BCR: variants seen among roughly 807,000 people sequenced by gnomAD.
BCR encodes the protein BCR activator of RhoGEF and GTPase, also known as breakpoint cluster region protein.
BCR carries 58 observed loss-of-function variants against 138.6 expected under a neutral mutation model. That is an observed-to-expected ratio of 0.42 (90% CI 0.34 to 0.52). BCR has a LOEUF of 0.52. Ranked by LOEUF, BCR falls within the 20% of genes least tolerant of loss-of-function variation. The probability of loss-of-function intolerance (pLI) is 0.06; values close to 1 mark genes in which losing one functional copy is unlikely to be tolerated. For missense variants in BCR, 1,599 were observed against 1,727.2 expected (o/e 0.93, Z 1.32); for synonymous variants, 786 against 730.1 (o/e 1.08, Z -1.23).
At chr22:23,199,491 CT>C in intron 1 of BCR, 1 of 374,980 alleles carries the variant, frequency 2.7e-6, no homozygotes. Flanking sequence ...CCTCAGGAAG[CT>C]TGAGGCTTCT....
intron 16 of BCR, among the ~76,000 whole-genome samples, chr22:23,295,938 C>T (rs1036693315): frequency 6.6e-6 from 1 of 152,244 alleles, no homozygotes; most frequent in Admixed American, 6.5e-5. Context: ...GGGTACAGCT[C>T]TCTCTTCCCA....
chr22:23,299,506 T>C (rs1048970548), intron 16 of BCR, among the ~76,000 whole-genome samples: 3 of 151,926 alleles, frequency 2.0e-5, no homozygotes, highest in Admixed American at 1.3e-4. Flanking sequence ...CTCCCCCAAC[T>C]CCCATCACGT....
intron 1 of BCR, among the ~76,000 whole-genome samples, chr22:23,191,167 A>G (rs1464693218): frequency 3.3e-5 from 5 of 152,136 alleles, no homozygotes. Context: ...CTGGCCTCAA[A>G]CGATCCTTCC....
At chr22:23,285,877 G>A (rs2073705529) in intron 10 of BCR, among the ~76,000 whole-genome samples, 1 of 152,220 alleles carries the variant, frequency 6.6e-6, no homozygotes, top group South Asian at 2.1e-4. Context: ...AAGTTCACAG[G>A]CAAATGCCTG....
rs758007003 is a variant in BCR, at chr22:23,181,622, C to G, written c.662C>G (p.Ser221Trp). Reference protein sequence around the residue: ...ERKKSQHGAGSSVGDASRPPY... With the variant: ...ERKKSQHGAGWSVGDASRPPY... ...AAAAAGTCCCAGCACGGCGCGGGCT[C>G]GAGCGTGGGGGATGCATCCAGGCCC... Residue 221 changes from serine to tryptophan, a missense_variant, in exon 1 of 23, where the codon TCG becomes TGG. Physicochemically the swap from Ser to Trp is radical, Grantham distance 177. Transcript: ENST00000305877. 5 of 1,611,610 alleles carry G rather than the reference C, an allele frequency of 3.1e-6. No homozygotes were observed. The South Asian group carries it at 4.4e-5, about 14-fold the overall frequency.
intron 15 of BCR, among the ~76,000 whole-genome samples, chr22:23,293,673 G>T (rs2073814397): frequency 6.6e-6 from 1 of 152,112 alleles, no homozygotes; most frequent in Admixed American, 6.6e-5. Context: ...AGGTTCAGGT[G>T]CCAGGCAGCC....
chr22:23,289,104 C>T (rs531207898), intron 12 of BCR, among the ~76,000 whole-genome samples: 2 of 152,328 alleles, frequency 1.3e-5, no homozygotes, highest in South Asian at 2.1e-4. Context: ...AGCATTATGC[C>T]CAGAAATAAG....
Position 23,272,933 on chromosome 22 carries a change from G to T in BCR, c.1922-148G>T. The T allele has an allele frequency of 7.7e-6, 6 of 782,900 alleles. No homozygotes were observed. In the South Asian group the frequency reaches 8.0e-5, roughly 10 times the overall value. 48.5% of individuals were successfully genotyped at this position (782,900 alleles called of 1,614,324 possible). On this transcript the variant is annotated intron_variant, in intron 6 of 22. Coordinates refer to ENST00000305877, the MANE Select transcript of BCR (RefSeq NM_004327.4). ...TAAAGTGTTCCTGTTGGGTGCTCTAGCCTTGCCCTTGTCACTGCGCAGAGG... is the reference window on the plus strand; with the variant it reads ...TAAAGTGTTCCTGTTGGGTGCTCTATCCTTGCCCTTGTCACTGCGCAGAGG...
Position 23,203,881 on chromosome 22 carries a change from A to G in BCR, c.1279+21642A>G, listed in dbSNP as rs76780360. Among the ~76,000 whole-genome samples the G allele has an allele frequency of 2.1e-3, 324 of 152,304 alleles. 2 individuals carry two copies. Among genetic ancestry groups the G allele is most frequent in the African/African-American group, 7.4e-3 (308 of 41,556 alleles). The stretch of plus-strand genomic sequence containing the variant: ...CCTGCTTGGCTTTCATTGAAGCTCC[A>G]AGGAAGCAGAAGGCCATGGCAGAAA... On this transcript the variant is annotated intron_variant, in intron 1 of 22. Coordinates refer to ENST00000305877, the MANE Select transcript of BCR (RefSeq NM_004327.4).
At chr22:23,314,939 A>G (rs1157141187) in intron 22 of BCR, among the ~76,000 whole-genome samples, 1 of 152,168 alleles carries the variant, frequency 6.6e-6, no homozygotes, top group Non-Finnish European at 1.5e-5. Context: ...AAACTACCTC[A>G]AGTGTTCGGG....
intron 1 of BCR, 141 bp from the exon 2 acceptor site, chr22:23,253,658 A>G: frequency 1.1e-6 from 1 of 893,652 alleles, no homozygotes; most frequent in Non-Finnish European, 1.7e-6. Context: ...TCAGTTGTGA[A>G]GGGGACGTCA....
intron 13 of BCR, 68 bp downstream of exon 13, chr22:23,289,689 C>T (rs1157249524): frequency 2.2e-6 from 3 of 1,350,608 alleles, no homozygotes; most frequent in Non-Finnish European, 3.2e-6. Flanking sequence ...GAAGGCTGAT[C>T]CCCCCTTCCT....
chr22:23,288,264 G>T, intron 12 of BCR, 92 bp downstream of exon 12: 8 of 1,320,880 alleles, frequency 6.1e-6, no homozygotes, highest in Non-Finnish European at 8.7e-6. Flanking sequence ...TTTTTATTTC[G>T]AGGGGTTTTA....
intron 1 of BCR, among the ~76,000 whole-genome samples, chr22:23,238,304 A>G (rs2073048294): frequency 6.6e-6 from 1 of 151,966 alleles, no homozygotes; most frequent in Non-Finnish European, 1.5e-5. Context: ...TGGCCACATA[A>G]TCCATGTGCA....
intron 1 of BCR, among the ~76,000 whole-genome samples, chr22:23,200,369 C>T (rs750645894): frequency 3.3e-5 from 5 of 151,930 alleles, no homozygotes; most frequent in Non-Finnish European, 5.9e-5. Flanking sequence ...CAGGCTGGTG[C>T]AGTGGCACAC....
chr22:23,239,147 A>T (rs1426844107), intron 1 of BCR, among the ~76,000 whole-genome samples: 1 of 152,120 alleles, frequency 6.6e-6, no homozygotes, highest in Non-Finnish European at 1.5e-5. Flanking sequence ...GAGGGGAGGA[A>T]AGCAAAGCCC....
At chr22:23,266,240 C>A (rs1243967417) in intron 4 of BCR, among the ~76,000 whole-genome samples, 2 of 152,090 alleles carry the variant, frequency 1.3e-5, no homozygotes, top group Admixed American at 1.3e-4. Flanking sequence ...CACGTGCCAC[C>A]ATGCCCAGCT....
chr22:23,259,517 ATTT>A (rs1245128304), intron 2 of BCR, among the ~76,000 whole-genome samples: 3 of 141,196 alleles, frequency 2.1e-5, no homozygotes. Context: ...CAAAAAAAAA[ATTT>A]TTTTTTTTTT....
intron 16 of BCR, among the ~76,000 whole-genome samples, chr22:23,301,167 G>A (rs570028985): frequency 3.6e-4 from 55 of 152,382 alleles, no homozygotes; most frequent in African/African-American, 1.3e-3. Flanking sequence ...TTAGCCAGGC[G>A]CGATGGCGCA....
Sources: gnomAD v4.1 joint callset for allele counts (sites outside exome capture counted in the v4.1 genomes callset) on GRCh38, gnomAD v4.1.1 for gene constraint, MANE v1.5 for transcripts, NCBI Gene and HGNC (gene_info 2026-07-23, HGNC 2026-07-21) for gene names.